Variants in ANLN observed in about 807,000 individuals in gnomAD.
ANLN encodes the protein anillin.
A neutral mutation model predicts 135.1 loss-of-function variants in ANLN; 59 were observed. The ratio of observed to expected loss-of-function variants is 0.44; its 90% confidence interval spans 0.35 to 0.54. The LOEUF is 0.54. Ranked by LOEUF, ANLN falls within the 20% of genes least tolerant of loss-of-function variation. The probability of loss-of-function intolerance (pLI) is 0.00; values close to 1 mark genes in which losing one functional copy is unlikely to be tolerated. For synonymous variants in ANLN, 406 were observed against 456.4 expected (o/e 0.89, Z 1.41); for missense variants, 1,182 against 1,340.0 (o/e 0.88, Z 1.84).
chr7:36,401,010 C>T (rs1035723900), intron 3 of ANLN, among the ~76,000 whole-genome samples: 1 of 152,128 alleles, frequency 6.6e-6, no homozygotes, highest in Non-Finnish European at 1.5e-5. Context: ...CCATACATAT[C>T]AGTTCTTTTA....
intron 3 of ANLN, among the ~76,000 whole-genome samples, chr7:36,403,300 T>G (rs968011772): frequency 6.6e-6 from 1 of 152,092 alleles, no homozygotes; most frequent in East Asian, 1.9e-4. Context: ...GTTAGTGATG[T>G]CTTTTCCTAA....
At chr7:36,448,002 T>C (rs1374882339) in intron 22 of ANLN, among the ~76,000 whole-genome samples, 1 of 151,974 alleles carries the variant, frequency 6.6e-6, no homozygotes, top group Non-Finnish European at 1.5e-5. Flanking sequence ...TATATACATA[T>C]ATGTTTCACT....
At chr7:36,431,597 G>GTGTGTGTATA (rs1306528982) in intron 20 of ANLN, among the ~76,000 whole-genome samples, 7 of 27,446 alleles carry the variant, frequency 2.6e-4, no homozygotes, top group Admixed American at 5.5e-4. Flanking sequence ...GTGTGTGTGT[G>GTGTGTGTATA]TATATATATA....
intron 2 of ANLN, among the ~76,000 whole-genome samples, chr7:36,398,874 A>G (rs556351281): frequency 6.6e-6 from 1 of 151,992 alleles, no homozygotes; most frequent in South Asian, 2.1e-4. Context: ...TATAATATAA[A>G]TTGTGTCTGC....
intron 20 of ANLN, chr7:36,428,476 C>A: frequency 2.4e-6 from 1 of 418,398 alleles, no homozygotes; most frequent in Non-Finnish European, 4.0e-6. Context: ...TAATTAAGGA[C>A]ATTATGTACA....
intron 22 of ANLN, among the ~76,000 whole-genome samples, chr7:36,447,497 T>C: frequency 7.0e-6 from 1 of 143,518 alleles, no homozygotes; most frequent in East Asian, 2.2e-4. Flanking sequence ...GGATCTCGGC[T>C]CACTGCAAGC....
At chr7:36,399,423 AC>A in intron 3 of ANLN, 30 bp downstream of exon 3, 2 of 1,507,706 alleles carry the variant, frequency 1.3e-6, no homozygotes, top group Non-Finnish European at 1.8e-6. Context: ...TATGGCCCAT[AC>A]ATCTGTTCCA....
intron 10 of ANLN, 84 bp from the exon 11 acceptor site, chr7:36,420,085 T>C: frequency 1.5e-6 from 2 of 1,362,090 alleles, no homozygotes; most frequent in Non-Finnish European, 2.0e-6. Flanking sequence ...TTTCTTAATA[T>C]TAATGGAGAA....
intron 23 of ANLN, 61 bp downstream of exon 23, chr7:36,449,898 AC>A: frequency 6.6e-7 from 1 of 1,505,696 alleles, no homozygotes; most frequent in East Asian, 2.3e-5. Flanking sequence ...CTATGTACTT[AC>A]CACTATGAGA....
At chr7:36,411,411 TTTCATCA>T (rs954958703) in intron 7 of ANLN, among the ~76,000 whole-genome samples, 1 of 152,264 alleles carries the variant, frequency 6.6e-6, no homozygotes, top group Non-Finnish European at 1.5e-5. Flanking sequence ...CAAAAATTAT[TTTCATCA>T]TTCATTTGAT....
At position 36,406,264 on chromosome 7, in the gene ANLN, G is replaced by C. The variant is rs1354973519; in HGVS notation, c.571G>C (p.Ala191Pro). Residue 191 changes from alanine to proline, a missense_variant, in exon 4 of 24, where the codon GCC becomes CCC. By Grantham distance (27) the Ala-to-Pro change is conservative (BLOSUM62 -1). Transcript: ENST00000265748. ...ASPPRPLLSN[A>P]SATPVGRRGR... ...CCCTCCCAGACCTCTGCTTTCAAAT[G>C]CCTCGGCAACTCCAGTTGGCAGAAG... 1.2e-6 allele frequency: 2 copies of C among 1,614,100 alleles called. No individual in the cohort carries two copies. Among genetic ancestry groups the C allele is most frequent in the South Asian group, 2.2e-5 (2 of 91,078 alleles).
chr7:36,423,997 G>T, intron 15 of ANLN, 54 bp downstream of exon 15: 1 of 1,573,626 alleles, frequency 6.4e-7, no homozygotes, highest in South Asian at 1.2e-5. Context: ...TTGTAGAGTT[G>T]ATACAGTCTA....
intron 3 of ANLN, among the ~76,000 whole-genome samples, chr7:36,401,362 A>C (rs536699307): frequency 3.8e-4 from 57 of 151,526 alleles, no homozygotes; most frequent in African/African-American, 1.4e-3. Context: ...TTTTTGAGAC[A>C]GAGTCTCACT....
intron 13 of ANLN, 58 bp from the exon 14 acceptor site, chr7:36,422,575 G>C (rs1406556978): frequency 6.9e-7 from 1 of 1,449,790 alleles, no homozygotes; most frequent in Non-Finnish European, 9.3e-7. Flanking sequence ...TTTTGAATTT[G>C]CTCTCATTAG....
intron 20 of ANLN, among the ~76,000 whole-genome samples, chr7:36,436,283 C>T (rs1788547233): frequency 1.3e-5 from 2 of 152,138 alleles, no homozygotes; most frequent in African/African-American, 4.8e-5. Context: ...CATGATGTAG[C>T]ATGTATTAGA....
At chr7:36,396,480 C>A in intron 2 of ANLN, 61 bp downstream of exon 2, 1 of 1,486,994 alleles carries the variant, frequency 6.7e-7, no homozygotes, top group South Asian at 1.4e-5. Context: ...GGAGACAAGC[C>A]CCAAACATTT....
At chr7:36,393,117 A>T (rs1264952331) in intron 1 of ANLN, among the ~76,000 whole-genome samples, 1 of 150,968 alleles carries the variant, frequency 6.6e-6, no homozygotes, top group African/African-American at 2.4e-5. Context: ...TCTGCCTCCC[A>T]GGTTCAAGTG....
intron 7 of ANLN, among the ~76,000 whole-genome samples, chr7:36,412,327 A>ATATTTT (rs1491401014): frequency 1.8e-4 from 17 of 94,810 alleles, no homozygotes; most frequent in East Asian, 1.8e-3. Context: ...ATATATATAT[A>ATATTTT]TTTTTTTTTT....
intron 3 of ANLN, among the ~76,000 whole-genome samples, chr7:36,402,144 C>T: frequency 1.0e-5 from 1 of 97,864 alleles, no homozygotes; most frequent in East Asian, 2.5e-4. Context: ...TGGAGTCTTG[C>T]TGTGTTTCCC....
Sources: allele counts gnomAD v4.1 joint callset (sites outside exome capture counted in the v4.1 genomes callset), GRCh38; gene constraint gnomAD v4.1.1; transcripts MANE v1.5; gene names NCBI Gene and HGNC (gene_info 2026-07-23, HGNC 2026-07-21).